The following C1orf87 variants were observed in gnomAD, a reference collection of about 807,000 sequenced individuals.
C1orf87 encodes the protein chromosome 1 open reading frame 87.
A neutral mutation model predicts 60.5 loss-of-function variants in C1orf87; 58 were observed. The observed-to-expected ratio is 0.96, with a 90% CI of 0.78 to 1.19. The LOEUF is 1.19. Among genes scored for constraint, C1orf87 ranks in the 50% most tolerant of loss-of-function variants. The pLI is 0.00. For missense variants in C1orf87, 673 were observed against 638.6 expected (o/e 1.05, Z -0.58); for synonymous variants, 236 against 227.4 (o/e 1.04, Z -0.34).
chr1:60,002,928 C>G (rs1645017749), intron 9 of C1orf87, among the ~76,000 whole-genome samples: 1 of 151,298 alleles, frequency 6.6e-6, no homozygotes, highest in African/African-American at 2.4e-5. Context: ...CCTCAGGGAT[C>G]TAGAACTGGA....
rs1395543262 is a variant in C1orf87 at position 60,064,658 on chromosome 1, AATATATAATT to A, written c.107+7869_107+7878del. Among the ~76,000 whole-genome samples the A allele has an allele frequency of 5.5e-5, 6 of 109,738 alleles. No homozygotes were observed. In the South Asian group the frequency reaches 7.2e-4, roughly 13 times the overall value. 72.0% of individuals were successfully genotyped at this position (109,738 alleles called of 152,430 possible). ...TATATATGATATATTTTATATATTAAATATATAATTATATATAAATATATATTTATATATA... is the reference window on the plus strand; with the variant it reads ...TATATATGATATATTTTATATATTAAATATATAAATATATATTTATATATA... On this transcript the variant is annotated intron_variant, in intron 2 of 11. Transcript: ENST00000371201.
intron 10 of C1orf87, among the ~76,000 whole-genome samples, chr1:60,000,757 A>G (rs1303774688): frequency 6.6e-6 from 1 of 152,058 alleles, no homozygotes; most frequent in Non-Finnish European, 1.5e-5. Context: ...TTTTGATGGC[A>G]GTTTGTGAAT....
rs1644916858 is a variant in C1orf87, at chr1:59,990,852, G to A, written c.1481-19C>T. ...AGAACTCCTGTGATTGGATTGGGTA[G>A]GAGGAAGGTTTTTTAAAGAGGATGG... On this transcript the variant is annotated intron_variant, in intron 11 of 11. Transcript: ENST00000371201. The A allele has an allele frequency of 1.9e-6, 3 of 1,610,004 alleles. No homozygotes were observed. Among genetic ancestry groups the A allele is most frequent in the African/African-American group, 2.7e-5 (2 of 74,660 alleles).
intron 9 of C1orf87, among the ~76,000 whole-genome samples, chr1:60,002,183 A>G (rs1645010881): frequency 6.6e-6 from 1 of 152,144 alleles, no homozygotes; most frequent in African/African-American, 2.4e-5. Flanking sequence ...AATACATTTT[A>G]AACAAAGGAG....
At chr1:60,013,540 G>A (rs1645103912) in intron 8 of C1orf87, among the ~76,000 whole-genome samples, 2 of 152,054 alleles carry the variant, frequency 1.3e-5, no homozygotes, top group South Asian at 4.1e-4. Context: ...CATTTCAGTA[G>A]AGGACATGGC....
intron 11 of C1orf87, 136 bp downstream of exon 11, chr1:59,997,473 T>G (rs1011642366): frequency 3.8e-5 from 28 of 745,960 alleles, no homozygotes; most frequent in Admixed American, 5.6e-5. Context: ...TTCTGGATTG[T>G]GCTCAGCACA....
intron 3 of C1orf87, among the ~76,000 whole-genome samples, chr1:60,052,248 T>C (rs1042576131): frequency 1.3e-5 from 2 of 152,262 alleles, no homozygotes; most frequent in Admixed American, 6.5e-5. Flanking sequence ...GAAACTGTGC[T>C]ACTGAGTTTG....
At chr1:59,996,572 T>C (rs1471382429) in intron 11 of C1orf87, among the ~76,000 whole-genome samples, 1 of 152,218 alleles carries the variant, frequency 6.6e-6, no homozygotes, top group African/African-American at 2.4e-5. Flanking sequence ...TATCATTTAA[T>C]ATTCTTTTTA....
chr1:60,051,393 A>G (rs1489454097), intron 3 of C1orf87, among the ~76,000 whole-genome samples: 1 of 152,174 alleles, frequency 6.6e-6, no homozygotes, highest in African/African-American at 2.4e-5. Flanking sequence ...ACACAAGCAA[A>G]AAGCAAAGAC....
At chr1:60,012,421 C>T (rs1483002358) in intron 8 of C1orf87, among the ~76,000 whole-genome samples, 1 of 151,930 alleles carries the variant, frequency 6.6e-6, no homozygotes, top group Non-Finnish European at 1.5e-5. Context: ...AACTATATTG[C>T]CTGATTTGAA....
chr1:60,001,226 C>T (rs976600493), intron 9 of C1orf87, 70 bp from the exon 10 acceptor site: 13 of 1,077,982 alleles, frequency 1.2e-5, no homozygotes, highest in Non-Finnish European at 1.6e-5. Flanking sequence ...CACATATACA[C>T]AAGGCAACAA....
rs376145526 is a variant in C1orf87 at position 60,040,930 on chromosome 1, T to G, written c.483+61A>C. ...TATCTTCTGCTCCACATCAAGAAAT[T>G]GAGTCAACAACACTCCTTCATCTAC... On this transcript the variant is annotated intron_variant, in intron 4 of 11. Transcript: ENST00000371201. The G allele has an allele frequency of 3.9e-5, 58 of 1,485,822 alleles. 1 individual carries two copies. The African/African-American group carries it at 7.8e-4, about 20-fold the overall frequency. The allele number at this position is 1,485,822 out of a possible 1,614,324, so 92.0% of individuals were successfully genotyped here. A position where few individuals can be genotyped will look rare whatever the true frequency, so the allele number is the denominator to read the frequency against.
At chr1:60,022,069 A>G (rs1193025830) in intron 8 of C1orf87, among the ~76,000 whole-genome samples, 2 of 149,886 alleles carry the variant, frequency 1.3e-5, no homozygotes, top group Non-Finnish European at 3.0e-5. Flanking sequence ...TTTTAGATGG[A>G]GCCAAAGTGA....
rs1645308427 is a variant in C1orf87, at chr1:60,039,937, T to A, written c.727A>T (p.Lys243Ter). 1 of 1,613,820 alleles carries A rather than the reference T, an allele frequency of 6.2e-7. No individual in the cohort carries two copies. ...TVKILCQRFS[K>*]RGSPEMVNYE... ...CATACCATTTCAGGAGAACCCCTCT[T>A]AGAAAATCTCTGACAAAGGATTTTA... Residue 243 changes from lysine (K) to a stop codon, truncating the protein, a stop_gained, in exon 5 of 12, where the codon AAG (lysine) becomes TAG (stop). Coordinates refer to ENST00000371201, the MANE Select transcript of C1orf87 (RefSeq NM_152377.3). LOFTEE classifies it high-confidence loss of function.
At chr1:60,006,318 G>C (rs1645045276) in intron 9 of C1orf87, among the ~76,000 whole-genome samples, 1 of 152,072 alleles carries the variant, frequency 6.6e-6, no homozygotes, top group Non-Finnish European at 1.5e-5. Flanking sequence ...CCTTGCTGCT[G>C]CCAGAATTTT....
intron 9 of C1orf87, among the ~76,000 whole-genome samples, chr1:60,007,557 T>TTG: frequency 6.6e-6 from 1 of 152,220 alleles, no homozygotes; most frequent in Middle Eastern, 3.4e-3. Flanking sequence ...TTAAGAGATT[T>TTG]TGTATGATAC....
chr1:60,025,205 ACT>A (rs1488311633), intron 8 of C1orf87, among the ~76,000 whole-genome samples, 194 bp downstream of exon 8: 2 of 152,062 alleles, frequency 1.3e-5, no homozygotes, highest in Non-Finnish European at 2.9e-5. Flanking sequence ...GAGACAGGAA[ACT>A]CTTATGTCTG....
At chr1:60,021,661 T>A (rs1310217467) in intron 8 of C1orf87, among the ~76,000 whole-genome samples, 1 of 152,186 alleles carries the variant, frequency 6.6e-6, no homozygotes, top group East Asian at 1.9e-4. Flanking sequence ...TTTGGATACA[T>A]CAATGAATAA....
At position 60,046,692 on chromosome 1, in the gene C1orf87, C is replaced by T. The variant is rs1161825403; in HGVS notation, c.343-5561G>A. ...ACCTAAAGCAATCCTCCTACCTTGACCCCCTCAAAGTGTTGGGACTACAGG... is the reference window on the plus strand; with the variant it reads ...ACCTAAAGCAATCCTCCTACCTTGATCCCCTCAAAGTGTTGGGACTACAGG... On this transcript the variant is annotated intron_variant, in intron 3 of 11. Transcript: ENST00000371201. Among the ~76,000 whole-genome samples, 6 of 152,176 alleles carry T rather than the reference C, an allele frequency of 3.9e-5. No homozygotes were observed. In the Middle Eastern group the frequency reaches 0.014, roughly 345 times the overall value.
Sources: allele counts gnomAD v4.1 joint callset (sites outside exome capture counted in the v4.1 genomes callset), GRCh38; gene constraint gnomAD v4.1.1; transcripts MANE v1.5; gene names NCBI Gene and HGNC (gene_info 2026-07-23, HGNC 2026-07-21).